The following PTPRD variants were observed in gnomAD, a reference collection of about 807,000 sequenced individuals.
The protein encoded by PTPRD is receptor-type tyrosine-protein phosphatase delta.
PTPRD carries 34 observed loss-of-function variants against 214.5 expected under a neutral mutation model. The observed-to-expected ratio is 0.16, with a 90% confidence interval of 0.12 to 0.21. The LOEUF (loss-of-function observed/expected upper bound fraction) is 0.21. PTPRD is among the 10% of genes least tolerant of loss of function. The pLI is 1.00. For missense variants in PTPRD, 2,545 were observed against 2,398.7 expected (o/e 1.06, Z -1.27); for synonymous variants, 1,128 against 845.7 (o/e 1.33, Z -5.79).
At chr9:10,367,854 G>C (rs1283596381) in intron 2 of PTPRD, among the ~76,000 whole-genome samples, 1 of 151,878 alleles carries the variant, frequency 6.6e-6, no homozygotes, top group Non-Finnish European at 1.5e-5. Flanking sequence ...ACCTCCTTGT[G>C]TTTTAGCTCC....
At chr9:8,814,717 G>A (rs529814721) in intron 11 of PTPRD, among the ~76,000 whole-genome samples, 2 of 152,198 alleles carry the variant, frequency 1.3e-5, no homozygotes, top group Non-Finnish European at 2.9e-5. Flanking sequence ...TGAGGAAGAA[G>A]TGAGGTCCTT....
chr9:10,047,354 T>TGTG (rs1567301483), intron 3 of PTPRD, among the ~76,000 whole-genome samples: 17 of 132,414 alleles, frequency 1.3e-4, no homozygotes, highest in South Asian at 5.0e-4. Context: ...GTGTGTGTGC[T>TGTG]TGTGTGATAA....
intron 8 of PTPRD, among the ~76,000 whole-genome samples, chr9:9,491,477 C>T (rs1022944492): frequency 6.6e-6 from 1 of 151,870 alleles, no homozygotes; most frequent in Non-Finnish European, 1.5e-5. Context: ...TTCCCAAAAA[C>T]AACAGCATAA....
intron 3 of PTPRD, among the ~76,000 whole-genome samples, chr9:10,322,993 T>A (rs1043809426): frequency 5.9e-5 from 9 of 151,936 alleles, no homozygotes; most frequent in African/African-American, 2.2e-4. Context: ...AAAATTAGCA[T>A]TACAACAAAA....
chr9:9,036,329 AT>A (rs1197906020), intron 10 of PTPRD, among the ~76,000 whole-genome samples: 1 of 152,136 alleles, frequency 6.6e-6, no homozygotes, highest in Non-Finnish European at 1.5e-5. Flanking sequence ...GACAGCTTAC[AT>A]AAATAAAATA....
intron 11 of PTPRD, among the ~76,000 whole-genome samples, chr9:8,846,440 A>G (rs2097698032): frequency 6.6e-6 from 1 of 152,206 alleles, no homozygotes; most frequent in Non-Finnish European, 1.5e-5. Context: ...AAACAGAGTA[A>G]AAATAAGCAA....
intron 14 of PTPRD, among the ~76,000 whole-genome samples, chr9:8,530,939 T>C (rs775440200): frequency 7.9e-5 from 12 of 152,070 alleles, no homozygotes; most frequent in Non-Finnish European, 1.6e-4. Flanking sequence ...ACACAGTCTG[T>C]GAAGGACCAA....
chr9:9,546,805 A>AGC (rs2078907901), intron 8 of PTPRD, among the ~76,000 whole-genome samples: 1 of 151,742 alleles, frequency 6.6e-6, no homozygotes, highest in Non-Finnish European at 1.5e-5. Context: ...AAATCTTGAG[A>AGC]GTCATATAAT....
chr9:10,265,242 T>C (rs1309271399), intron 3 of PTPRD, among the ~76,000 whole-genome samples: 2 of 152,188 alleles, frequency 1.3e-5, no homozygotes, highest in East Asian at 1.9e-4. Context: ...TTGCTGCTTT[T>C]GGAAGTCCTA....
intron 5 of PTPRD, among the ~76,000 whole-genome samples, chr9:9,863,458 G>C (rs879595991): frequency 2.0e-5 from 3 of 152,182 alleles, no homozygotes; most frequent in Non-Finnish European, 4.4e-5. Flanking sequence ...TGTCTGATCA[G>C]TTTCCACCTC....
chr9:10,148,949 A>G (rs574313904), intron 3 of PTPRD, among the ~76,000 whole-genome samples: 1 of 152,306 alleles, frequency 6.6e-6, no homozygotes, highest in African/African-American at 2.4e-5. Context: ...ATAGTAGCAG[A>G]GAGTGTGATA....
chr9:8,754,904 A>C (rs1244990163), intron 11 of PTPRD, among the ~76,000 whole-genome samples: 1 of 152,174 alleles, frequency 6.6e-6, no homozygotes, highest in Non-Finnish European at 1.5e-5. Flanking sequence ...AGCCTTAAAC[A>C]GGCAATTCAC....
At chr9:9,339,093 G>T (rs1452559780) in intron 9 of PTPRD, among the ~76,000 whole-genome samples, 1 of 152,086 alleles carries the variant, frequency 6.6e-6, no homozygotes, top group African/African-American at 2.4e-5. Context: ...GCCATTGGGA[G>T]GGCTTCTCCA....
chr9:9,077,156 T>TG (rs935043132), intron 10 of PTPRD, among the ~76,000 whole-genome samples: 5 of 25,708 alleles, frequency 1.9e-4, no homozygotes, highest in Admixed American at 8.9e-4. Flanking sequence ...GATTATTAGT[T>TG]TTTTTTTTTT....
intron 12 of PTPRD, chr9:8,713,304 G>A: frequency 2.7e-6 from 2 of 739,680 alleles, no homozygotes; most frequent in Non-Finnish European, 4.8e-6. Context: ...AGCGCGGAGA[G>A]GACGCCATGA....
chr9:9,143,073 G>A (rs2099863003), intron 10 of PTPRD, among the ~76,000 whole-genome samples: 1 of 152,088 alleles, frequency 6.6e-6, no homozygotes, highest in Non-Finnish European at 1.5e-5. Flanking sequence ...TCACCCGTCT[G>A]GATGGTAACA....
chr9:9,647,351 A>G (rs969775372), intron 7 of PTPRD, among the ~76,000 whole-genome samples: 4 of 150,454 alleles, frequency 2.7e-5, no homozygotes, highest in Non-Finnish European at 5.9e-5. Context: ...CCTTGTTTCT[A>G]CTGGCTTTCT....
At chr9:8,966,855 C>T (rs2099198703) in intron 11 of PTPRD, among the ~76,000 whole-genome samples, 1 of 151,988 alleles carries the variant, frequency 6.6e-6, no homozygotes, top group African/African-American at 2.4e-5. Context: ...ACAAACTGTG[C>T]ATCCGACAAA....
chr9:8,999,159 G>C (rs890177763), intron 11 of PTPRD, among the ~76,000 whole-genome samples: 2 of 152,036 alleles, frequency 1.3e-5, no homozygotes, highest in East Asian at 3.9e-4. Context: ...GATTTAAGCA[G>C]ATTGACTCTA....
Sources: gnomAD v4.1 joint callset for allele counts (sites outside exome capture counted in the v4.1 genomes callset) on GRCh38, gnomAD v4.1.1 for gene constraint, MANE v1.5 for transcripts, NCBI Gene and HGNC (gene_info 2026-07-23, HGNC 2026-07-21) for gene names.